Variants in PHF21B observed in about 807,000 individuals in gnomAD.
PHF21B encodes PHD finger protein 4.
Under a neutral mutation model 62.2 loss-of-function variants are expected in PHF21B, and 22 were observed. The ratio of observed to expected loss-of-function variants is 0.35; its 90% confidence interval spans 0.25 to 0.51. The LOEUF is 0.51. Ranked by LOEUF, PHF21B falls within the 20% of genes least tolerant of loss-of-function variation. The probability of loss-of-function intolerance (pLI) is 0.97; values close to 1 mark genes in which losing one functional copy is unlikely to be tolerated. For synonymous variants in PHF21B, 341 were observed against 314.7 expected, an observed-to-expected ratio of 1.08 and a Z score of -0.88; for missense variants, 701 against 707.9, an observed-to-expected ratio of 0.99 and a Z score of 0.11.
intron 2 of PHF21B, among the ~76,000 whole-genome samples, chr22:44,992,225 C>A (rs182594047): frequency 6.6e-6 from 1 of 152,372 alleles, no homozygotes; most frequent in Non-Finnish European, 1.5e-5. Flanking sequence ...CAGGGGAGGA[C>A]CCTTGGAGTG....
chr22:44,928,715 G>C (rs1329787954), intron 2 of PHF21B, among the ~76,000 whole-genome samples: 2 of 152,212 alleles, frequency 1.3e-5, no homozygotes, highest in South Asian at 2.1e-4. Context: ...TGGCTTAAAG[G>C]AACTTTTTAA....
intron 2 of PHF21B, among the ~76,000 whole-genome samples, chr22:44,962,815 G>A (rs987307757): frequency 1.3e-5 from 2 of 152,114 alleles, no homozygotes; most frequent in Non-Finnish European, 2.9e-5. Flanking sequence ...GGGTGGGGGC[G>A]TGCTTTACTT....
chr22:45,005,114 A>C (rs1672115580), intron 2 of PHF21B, among the ~76,000 whole-genome samples: 2 of 152,256 alleles, frequency 1.3e-5, no homozygotes, highest in Non-Finnish European at 1.5e-5. Flanking sequence ...TCTTTAACTT[A>C]CACAGAAGGG....
At chr22:44,941,926 C>A (rs1248087631) in intron 2 of PHF21B, among the ~76,000 whole-genome samples, 1 of 152,222 alleles carries the variant, frequency 6.6e-6, no homozygotes, top group African/African-American at 2.4e-5. Context: ...TCAGTGGGCA[C>A]AGACCCATCC....
intron 2 of PHF21B, chr22:45,002,758 G>A (rs982217550): frequency 2.6e-5 from 4 of 152,378 alleles, no homozygotes; most frequent in East Asian, 1.9e-4. Context: ...GAGGCCCTCC[G>A]GCCCTGCATG....
intron 5 of PHF21B, among the ~76,000 whole-genome samples, chr22:44,910,061 C>A (rs2147289847): frequency 6.6e-6 from 1 of 152,294 alleles, no homozygotes; most frequent in East Asian, 1.9e-4. Context: ...TGGCAGGGAG[C>A]AAACTCGAAG....
In PHF21B at chr22:45,009,208, C is replaced by A. The variant is rs2073381346; in HGVS notation, c.54+288G>T. ...GACCGGCTCACGAAGGGGCCCCCTCCAGGCACCCTCCCAGTCATGCAGACC... is the reference window on the plus strand; with the variant it reads ...GACCGGCTCACGAAGGGGCCCCCTCAAGGCACCCTCCCAGTCATGCAGACC... On this transcript the variant is annotated intron_variant, in intron 1 of 12. Coordinates refer to ENST00000313237, the MANE Select transcript of PHF21B (RefSeq NM_138415.5). This position sits in a 1 kb window ranked among gnomAD's most constrained non-coding sequence, Gnocchi z 5.9. The A allele has an allele frequency of 2.4e-6, 1 of 419,438 alleles. No individual in the cohort carries two copies. The highest frequency in any genetic ancestry group is 4.1e-6 in the Non-Finnish European group (1 of 246,706). 26.0% of individuals were successfully genotyped at this position (419,438 alleles called of 1,614,324 possible). A position where few individuals can be genotyped will look rare whatever the true frequency, so the allele number is the denominator to read the frequency against.
chr22:44,921,608 A>G (rs1015890289), intron 2 of PHF21B, among the ~76,000 whole-genome samples: 1 of 147,600 alleles, frequency 6.8e-6, no homozygotes, highest in Non-Finnish European at 1.5e-5. Flanking sequence ...CTCATGATCC[A>G]CCCCCCGCCT....
chr22:44,970,158 C>T (rs908695561), intron 2 of PHF21B, among the ~76,000 whole-genome samples: 3 of 152,202 alleles, frequency 2.0e-5, no homozygotes, highest in African/African-American at 4.8e-5. Context: ...ACTCCTGCCT[C>T]GATCCCAGGC....
chr22:44,978,225 T>C (rs1324235202), intron 2 of PHF21B, among the ~76,000 whole-genome samples: 1 of 152,118 alleles, frequency 6.6e-6, no homozygotes, highest in Non-Finnish European at 1.5e-5. Flanking sequence ...TCCGAATTGT[T>C]TTCCAAATTC....
chr22:44,954,345 A>C (rs1443769218), intron 2 of PHF21B, among the ~76,000 whole-genome samples: 1 of 152,206 alleles, frequency 6.6e-6, no homozygotes, highest in East Asian at 1.9e-4. Context: ...CCCTTCCTCC[A>C]GGCCCTCTCA....
At position 44,909,809 on chromosome 22, in the gene PHF21B, C is replaced by T. The variant is rs185238857; in HGVS notation, c.831+4013G>A. On this transcript the variant is annotated intron_variant, in intron 5 of 12. Transcript: ENST00000313237. ...CTGCTGGATCCTGGCAACTCCTCTACCCCTGCAGACCATGCCCCTTCTCTC... is the reference window on the plus strand; with the variant it reads ...CTGCTGGATCCTGGCAACTCCTCTATCCCTGCAGACCATGCCCCTTCTCTC... 3.0e-3 allele frequency among the ~76,000 whole-genome samples: 461 copies of T among 152,366 alleles called. 3 individuals carry two copies. Among genetic ancestry groups the T allele is most frequent in the African/African-American group, 0.011 (452 of 41,580 alleles).
At chr22:45,006,854 A>AT (rs5845686) in intron 2 of PHF21B, among the ~76,000 whole-genome samples, 131 of 145,922 alleles carry the variant, frequency 9.0e-4, no homozygotes, top group East Asian at 1.2e-3. Flanking sequence ...CTGGTGGCAG[A>AT]TTTTTTTTTT....
intron 2 of PHF21B, among the ~76,000 whole-genome samples, chr22:44,951,086 C>T (rs888330487): frequency 1.3e-5 from 2 of 152,152 alleles, no homozygotes; most frequent in East Asian, 1.9e-4. Flanking sequence ...AAGCCTGCCA[C>T]CAGATGCAGC....
chr22:44,943,096 C>A (rs189365598), intron 2 of PHF21B, among the ~76,000 whole-genome samples: 9 of 152,110 alleles, frequency 5.9e-5, no homozygotes, highest in African/African-American at 9.6e-5. Context: ...CTCTGCCCCC[C>A]AAGCCAGCCC....
intron 3 of PHF21B, among the ~76,000 whole-genome samples, chr22:44,918,262 T>G (rs1601597726): frequency 6.6e-6 from 1 of 152,218 alleles, no homozygotes; most frequent in Admixed American, 6.5e-5. Context: ...GCTGTGGCAG[T>G]GGCCGTTCCG....
chr22:44,885,091 C>T (rs2070831872), intron 12 of PHF21B, among the ~76,000 whole-genome samples: 2 of 152,264 alleles, frequency 1.3e-5, no homozygotes, highest in Admixed American at 1.3e-4. Context: ...GCTGCCTTCT[C>T]CACATACTGG....
chr22:45,000,310 C>T (rs1387707002), intron 2 of PHF21B, among the ~76,000 whole-genome samples: 3 of 152,276 alleles, frequency 2.0e-5, no homozygotes, highest in South Asian at 4.2e-4. Context: ...AGAGCCTCCC[C>T]GAGACACTGC....
intron 4 of PHF21B, among the ~76,000 whole-genome samples, chr22:44,915,724 CAG>C (rs933654637): frequency 6.6e-6 from 1 of 152,222 alleles, no homozygotes; most frequent in African/African-American, 2.4e-5. Context: ...AGGCCACAGA[CAG>C]GGGACGGCAG....
Sources: gnomAD v4.1 joint callset for allele counts (sites outside exome capture counted in the v4.1 genomes callset) on GRCh38, gnomAD v4.1.1 for gene constraint, Gnocchi (gnomAD v3.1) non-coding constraint, MANE v1.5 for transcripts, NCBI Gene and HGNC (gene_info 2026-07-23, HGNC 2026-07-21) for gene names.